Variants in CHRM2 observed in about 807,000 individuals in gnomAD.
CHRM2 encodes the protein muscarinic acetylcholine receptor M2.
Under a neutral mutation model 25.0 loss-of-function variants are expected in CHRM2, and 8 were observed. That is an observed-to-expected ratio of 0.32 (90% confidence interval 0.19 to 0.58). The LOEUF (loss-of-function observed/expected upper bound fraction) is 0.58. Among genes scored for constraint, CHRM2 ranks in the 20% least tolerant of loss-of-function variants. The pLI, the probability that CHRM2 is intolerant of heterozygous loss-of-function variation, is 0.88. For synonymous variants in CHRM2, 202 were observed against 205.7 expected (o/e 0.98, Z 0.15); for missense variants, 440 against 567.1 (o/e 0.78, Z 2.28).
intron 2 of CHRM2, among the ~76,000 whole-genome samples, chr7:136,878,774 T>C (rs1796146556): frequency 6.6e-6 from 1 of 151,906 alleles, no homozygotes; most frequent in Non-Finnish European, 1.5e-5. Context: ...ATTCCAGGTC[T>C]AAGAGTGAGT....
chr7:136,952,917 T>C (rs1800499484), intron 2 of CHRM2, among the ~76,000 whole-genome samples: 2 of 152,332 alleles, frequency 1.3e-5, no homozygotes, highest in African/African-American at 4.8e-5. Flanking sequence ...CTCGTTCTTT[T>C]TTATGGCTGC....
At chr7:136,885,034 T>C (rs1295200354) in intron 2 of CHRM2, among the ~76,000 whole-genome samples, 1 of 152,220 alleles carries the variant, frequency 6.6e-6, no homozygotes, top group Admixed American at 6.5e-5. Flanking sequence ...GTACCAGTAA[T>C]CCATCAGAAG....
In CHRM2 at chr7:137,017,069, G is replaced by A. The variant is rs1254421728; in HGVS notation, c.*803G>A. ...TCGTTGGGGATATCAAGGTCTATAA[G>A]GATTTAGTGCACTTATAATCCTATA... On this transcript the variant is annotated 3_prime_UTR_variant, in exon 4 of 4. Coordinates refer to ENST00000680005, the MANE Select transcript of CHRM2 (RefSeq NM_001006630.2). 2.5e-5 allele frequency: 4 copies of A among 159,040 alleles called. No individual in the cohort carries two copies. In the Admixed American group the frequency reaches 2.6e-4, roughly 10 times the overall value. The allele number at this position is 159,040 out of a possible 1,614,324, so 9.9% of individuals were successfully genotyped here. A position where few individuals can be genotyped will look rare whatever the true frequency, so the allele number is the denominator to read the frequency against.
intron 3 of CHRM2, among the ~76,000 whole-genome samples, chr7:136,999,827 T>G (rs1319684110): frequency 6.6e-6 from 1 of 152,170 alleles, no homozygotes; most frequent in African/African-American, 2.4e-5. Flanking sequence ...CTGGAAATGT[T>G]GGTGAACGGG....
intron 2 of CHRM2, among the ~76,000 whole-genome samples, chr7:136,955,109 G>T (rs1300318085): frequency 1.3e-5 from 2 of 152,154 alleles, no homozygotes; most frequent in African/African-American, 4.8e-5. Context: ...AGCCGTAAAA[G>T]AGTTTTAAAA....
At chr7:136,879,936 G>A (rs1796197547) in intron 2 of CHRM2, among the ~76,000 whole-genome samples, 2 of 151,564 alleles carry the variant, frequency 1.3e-5, no homozygotes, top group Admixed American at 6.6e-5. Flanking sequence ...CGCAGGGGTC[G>A]TTTTCATGGA....
chr7:137,013,466 C>T (rs1804959530), intron 3 of CHRM2, among the ~76,000 whole-genome samples: 1 of 151,930 alleles, frequency 6.6e-6, no homozygotes, highest in African/African-American at 2.4e-5. Flanking sequence ...AATCAATATT[C>T]CCAAATTTTA....
chr7:136,950,367 C>T (rs938515297), intron 2 of CHRM2, among the ~76,000 whole-genome samples: 1 of 152,116 alleles, frequency 6.6e-6, no homozygotes, highest in Non-Finnish European at 1.5e-5. Context: ...CAGGATGCTC[C>T]TGTCCCTGCG....
chr7:136,873,576 A>AG (rs1297548534), intron 2 of CHRM2, among the ~76,000 whole-genome samples: 2 of 152,234 alleles, frequency 1.3e-5, no homozygotes, highest in Non-Finnish European at 2.9e-5. Flanking sequence ...CAGCATTCAG[A>AG]GGGGTCTGGT....
chr7:136,995,061 C>G (rs538332791), intron 3 of CHRM2, among the ~76,000 whole-genome samples: 1 of 152,014 alleles, frequency 6.6e-6, no homozygotes, highest in Admixed American at 6.5e-5. Flanking sequence ...ATTATTTATA[C>G]GGAGAAAGTG....
intron 2 of CHRM2, among the ~76,000 whole-genome samples, chr7:136,956,257 GC>G (rs1314160897): frequency 6.6e-6 from 1 of 152,180 alleles, no homozygotes; most frequent in Non-Finnish European, 1.5e-5. Flanking sequence ...TTATGAGAGA[GC>G]AAGAAAGAAT....
At chr7:136,910,415 C>T (rs1431142056) in intron 2 of CHRM2, among the ~76,000 whole-genome samples, 1 of 151,840 alleles carries the variant, frequency 6.6e-6, no homozygotes, top group Non-Finnish European at 1.5e-5. Flanking sequence ...GGTTCTCTGA[C>T]AGGATTTTGA....
At chr7:136,897,391 T>C (rs1490674214) in intron 2 of CHRM2, among the ~76,000 whole-genome samples, 1 of 152,096 alleles carries the variant, frequency 6.6e-6, no homozygotes, top group Non-Finnish European at 1.5e-5. Flanking sequence ...CATATATACA[T>C]TTAAAAATAA....
At position 136,879,072 on chromosome 7, in the gene CHRM2, CTTAGCATAA is replaced by C. The variant is rs968138943; in HGVS notation, c.-125+9657_-125+9665del. Among the ~76,000 whole-genome samples the C allele has an allele frequency of 6.6e-5, 10 of 151,886 alleles. 1 individual carries two copies. Among genetic ancestry groups the C allele is most frequent in the Admixed American group, 4.6e-4 (7 of 15,230 alleles). On this transcript the variant is annotated intron_variant, in intron 2 of 3. Transcript: ENST00000680005. ...TGTCTCCTGGCAACTAACCTCCTGGCTTAGCATAATTTGAATTTAAAAGTGCTTGAGCCT... is the reference window on the plus strand; with the variant it reads ...TGTCTCCTGGCAACTAACCTCCTGGCTTTGAATTTAAAAGTGCTTGAGCCT...
At chr7:136,920,452 A>T (rs1407102376) in intron 2 of CHRM2, among the ~76,000 whole-genome samples, 1 of 152,160 alleles carries the variant, frequency 6.6e-6, no homozygotes, top group Non-Finnish European at 1.5e-5. Context: ...AGTGGAGCTC[A>T]TCAGCTCTGC....
At chr7:136,954,583 A>T (rs1490276461) in intron 2 of CHRM2, among the ~76,000 whole-genome samples, 1 of 152,062 alleles carries the variant, frequency 6.6e-6, no homozygotes, top group Admixed American at 6.6e-5. Context: ...CTTTCTGTTT[A>T]TTTCTCCCTC....
At chr7:137,010,979 G>A (rs749347298) in intron 3 of CHRM2, among the ~76,000 whole-genome samples, 12 of 151,944 alleles carry the variant, frequency 7.9e-5, no homozygotes, top group Non-Finnish European at 1.8e-4. Context: ...TTACTCATTA[G>A]CTTTGTGATT....
intron 2 of CHRM2, among the ~76,000 whole-genome samples, chr7:136,930,502 T>C (rs1799009369): frequency 6.6e-6 from 1 of 152,122 alleles, no homozygotes; most frequent in African/African-American, 2.4e-5. Context: ...AAAATTTAAG[T>C]TTAAAATTAA....
intron 2 of CHRM2, among the ~76,000 whole-genome samples, chr7:136,876,284 T>C (rs1005464777): frequency 2.0e-5 from 3 of 152,174 alleles, no homozygotes; most frequent in African/African-American, 7.2e-5. Context: ...GATGGTTTTA[T>C]CTGGTGCTGG....
Sources: gnomAD v4.1 joint callset for allele counts (sites outside exome capture counted in the v4.1 genomes callset) on GRCh38, gnomAD v4.1.1 for gene constraint, MANE v1.5 for transcripts, NCBI Gene and HGNC (gene_info 2026-07-23, HGNC 2026-07-21) for gene names.